MYL3: variants seen among roughly 807,000 people sequenced by gnomAD.
The protein encoded by MYL3 is myosin light chain 3.
Under a neutral mutation model 21.3 loss-of-function variants are expected in MYL3, and 11 were observed. The ratio of observed to expected loss-of-function variants is 0.52; its 90% CI spans 0.32 to 0.85. MYL3 has a LOEUF of 0.85. Ranked by LOEUF, MYL3 falls within the 40% of genes least tolerant of loss-of-function variation. The pLI is 0.03. For missense variants in MYL3, 206 were observed against 253.3 expected, an observed-to-expected ratio of 0.81 and a Z score of 1.27; for synonymous variants, 88 against 91.6, an observed-to-expected ratio of 0.96 and a Z score of 0.22.
chr3:46,858,514 G>A, intron 4 of MYL3, 53 bp from the exon 5 acceptor site: 1 of 1,574,890 alleles, frequency 6.3e-7, no homozygotes, highest in South Asian at 1.1e-5. Flanking sequence ...GCATGATGGG[G>A]TGGGGGCACC....
chr3:46,881,717 G>T (rs1327868746), intron 1 of MYL3, among the ~76,000 whole-genome samples: 1 of 152,074 alleles, frequency 6.6e-6, no homozygotes, highest in African/African-American at 2.4e-5. Context: ...GACGAGGCGA[G>T]GGTGGGGCTG....
At position 46,858,388 on chromosome 3, in the gene MYL3, A is replaced by G. The variant is rs769009588; in HGVS notation, c.555T>C (p.Tyr185=). Residue 185 remains tyrosine (Y), a synonymous_variant, in exon 5 of 7, where the codon TAT becomes TAC. Coordinates refer to ENST00000292327, the MANE Select transcript of MYL3 (RefSeq NM_000258.3). ...GQEDSNGCIN[Y]EAFVKHIMSS is the part of the protein sequence containing the mutation. The stretch of plus-strand genomic sequence containing the variant: ...CCCTGCCCCTGCTGAGCCCACCTTC[A>G]TAGTTGATGCAGCCATTGGAGTCCT... 2 of 1,614,086 alleles carry G rather than the reference A, an allele frequency of 1.2e-6. No homozygotes were observed. Among genetic ancestry groups the G allele is most frequent in the Non-Finnish European group, 1.7e-6 (2 of 1,180,004 alleles).
At chr3:46,880,389 G>A (rs1001963023) in intron 1 of MYL3, 1 of 152,266 alleles carries the variant, frequency 6.6e-6, no homozygotes, top group Non-Finnish European at 1.5e-5. Flanking sequence ...CACAGCCCTT[G>A]AACACCAGAA....
intron 1 of MYL3, among the ~76,000 whole-genome samples, chr3:46,862,578 G>A (rs935014916): frequency 2.0e-5 from 3 of 152,186 alleles, no homozygotes; most frequent in African/African-American, 7.2e-5. Flanking sequence ...CAGGGTACGT[G>A]CTGCTATGCA....
Position 46,858,412 on chromosome 3 carries a change from C to G in MYL3, c.531G>C (p.Glu177Asp), listed in dbSNP as rs1575497418. The G allele has an allele frequency of 6.2e-7, 1 of 1,613,944 alleles. No homozygotes were observed. The highest frequency in any genetic ancestry group is 1.1e-5 in the South Asian group (1 of 91,084). Residue 177 changes from glutamate to aspartate, a missense_variant, in exon 5 of 7, where the codon GAG (glutamate) becomes GAC (aspartate). Glu to Asp is a conservative substitution (Grantham distance 45). Transcript: ENST00000292327. Reference sequence around the variant, plus strand: ...CATAGTTGATGCAGCCATTGGAGTCCTCTTGCCCAGCCATCAACTTCTCCA... The same window carrying G: ...CATAGTTGATGCAGCCATTGGAGTCGTCTTGCCCAGCCATCAACTTCTCCA... ...DEVEKLMAGQEDSNGCINYEA... is the reference protein window; with the variant it reads ...DEVEKLMAGQDDSNGCINYEA...
intron 1 of MYL3, among the ~76,000 whole-genome samples, chr3:46,862,396 T>C (rs1203975150): frequency 6.6e-6 from 1 of 152,140 alleles, no homozygotes; most frequent in Non-Finnish European, 1.5e-5. Context: ...AACCCTTGCC[T>C]CAAAGGACAT....
intron 1 of MYL3, among the ~76,000 whole-genome samples, chr3:46,878,970 T>G (rs2030393058): frequency 6.6e-6 from 1 of 152,192 alleles, no homozygotes; most frequent in Non-Finnish European, 1.5e-5. Flanking sequence ...AACCAGAAAC[T>G]GACTCTGAGC....
At chr3:46,864,886 G>A (rs867788827), upstream of MYL3, among the ~76,000 whole-genome samples, 11 of 152,330 alleles carry the variant, frequency 7.2e-5, no homozygotes, top group African/African-American at 2.6e-4. This position sits in a 1 kb window ranked among gnomAD's most constrained non-coding sequence, Gnocchi z 4.7. Flanking sequence ...GGCTCTTCCC[G>A]CATGGGGACG....
rs1367870636 is a variant in MYL3, at chr3:46,861,993, CCTGAGAGCTCTCTCCA to C, written c.130-1022_130-1007del. On this transcript the variant is annotated intron_variant, in intron 1 of 6. Coordinates refer to ENST00000292327, the MANE Select transcript of MYL3 (RefSeq NM_000258.3). This position sits in a 1 kb window ranked among gnomAD's most constrained non-coding sequence, Gnocchi z 4.2. The stretch of plus-strand genomic sequence containing the variant: ...AAGAACAGGTTGTCATTCCTGGCTC[CCTGAGAGCTCTCTCCA>C]CCAGGAAGCCTACTGAGATTAGGGT... Among the ~76,000 whole-genome samples, 1 of 152,164 alleles carries C rather than the reference CCTGAGAGCTCTCTCCA, an allele frequency of 6.6e-6. No individual in the cohort carries two copies. Among genetic ancestry groups the C allele is most frequent in the Non-Finnish European group, 1.5e-5 (1 of 68,004 alleles).
chr3:46,865,324 G>A (rs1292367482), upstream of MYL3, among the ~76,000 whole-genome samples: 1 of 151,180 alleles, frequency 6.6e-6, no homozygotes, highest in Non-Finnish European at 1.5e-5. This position sits in a 1 kb window ranked among gnomAD's most constrained non-coding sequence, Gnocchi z 4.3. Flanking sequence ...CAACAGTATT[G>A]AGAAAGAAAG....
At position 46,860,995 on chromosome 3, in the gene MYL3, G is replaced by A; in HGVS notation, c.130-8C>T. On this transcript the variant is annotated splice_region_variant and splice_polypyrimidine_tract_variant and intron_variant, in intron 1 of 6. Transcript: ENST00000292327. This position sits in a 1 kb window ranked among gnomAD's most constrained non-coding sequence, Gnocchi z 4.6. ...CTCAGGTGTGAACTCAATCTGAAAAGAGACCCCAAAGACTCAGATGCCCGG... is the reference window on the plus strand; with the variant it reads ...CTCAGGTGTGAACTCAATCTGAAAAAAGACCCCAAAGACTCAGATGCCCGG... 1 of 1,613,978 alleles carries A rather than the reference G, an allele frequency of 6.2e-7. No individual in the cohort carries two copies. The highest frequency in any genetic ancestry group is 8.5e-7 in the Non-Finnish European group (1 of 1,180,004).
At chr3:46,873,787 A>G (rs1273740082) in intron 1 of MYL3, among the ~76,000 whole-genome samples, 3 of 152,166 alleles carry the variant, frequency 2.0e-5, no homozygotes, top group East Asian at 3.9e-4. Flanking sequence ...GACCTCCCCA[A>G]AAAGATCATG....
At position 46,871,531 on chromosome 3, in the gene MYL3, C is replaced by T. The variant is rs150212606; in HGVS notation, c.-217-4931G>A. ...CATTCCTTTCCCAGATCTTGGACCCCAGTGCAAGCAGAGGGAAGACAAAAG... is the reference window on the plus strand; with the variant it reads ...CATTCCTTTCCCAGATCTTGGACCCTAGTGCAAGCAGAGGGAAGACAAAAG... On this transcript the variant is annotated intron_variant, in intron 1 of 3. Coordinates refer to the MYL3 transcript ENST00000431168. Among the ~76,000 whole-genome samples the T allele has an allele frequency of 1.1e-4, 16 of 152,110 alleles. No individual in the cohort carries two copies. The East Asian group carries it at 2.9e-3, about 28-fold the overall frequency.
intron 1 of MYL3, among the ~76,000 whole-genome samples, chr3:46,870,760 G>A (rs772706165): frequency 6.6e-6 from 1 of 152,100 alleles, no homozygotes; most frequent in African/African-American, 2.4e-5. Context: ...ATACCTATGG[G>A]CCCCTAGACA....
intron 1 of MYL3, among the ~76,000 whole-genome samples, chr3:46,878,990 G>C (rs936831086): frequency 6.6e-6 from 1 of 152,218 alleles, no homozygotes; most frequent in South Asian, 2.1e-4. Flanking sequence ...CCCCTGGGGC[G>C]TGCTTGTCAA....
upstream of MYL3, among the ~76,000 whole-genome samples, chr3:46,864,616 G>A (rs1394027562): frequency 6.6e-6 from 1 of 152,144 alleles, no homozygotes; most frequent in Non-Finnish European, 1.5e-5. The surrounding 1 kb of genome is among the most constrained non-coding windows in gnomAD (Gnocchi z 4.7). Context: ...ACTGCCACAT[G>A]TTGCCCTCTG....
rs1701958758 is a variant in MYL3 at position 46,858,626 on chromosome 3, T to G, written c.482-165A>C. On this transcript the variant is annotated intron_variant, in intron 4 of 6. Transcript: ENST00000292327. The stretch of plus-strand genomic sequence containing the variant: ...CACCCCATTTCTGAGGCCAGGAGAA[T>G]CAGTGACAAGTTAAGAAGGGGCCTG... Among the ~76,000 whole-genome samples the G allele has an allele frequency of 4.6e-5, 7 of 152,256 alleles. No homozygotes were observed. In the South Asian group the frequency reaches 1.5e-3, roughly 32 times the overall value.
At chr3:46,868,425 C>T (rs1702070260), upstream of MYL3, among the ~76,000 whole-genome samples, 1 of 152,230 alleles carries the variant, frequency 6.6e-6, no homozygotes, top group Admixed American at 6.5e-5. Context: ...CCTCCCTCTG[C>T]CCACTGTGCT....
At position 46,879,592 on chromosome 3, in the gene MYL3, T is replaced by C. The variant is rs1013646340; in HGVS notation, c.-218+2482A>G. 2.0e-5 allele frequency among the ~76,000 whole-genome samples: 3 copies of C among 151,992 alleles called. No individual in the cohort carries two copies. The highest frequency in any genetic ancestry group is 7.3e-5 in the African/African-American group (3 of 41,366). On this transcript the variant is annotated intron_variant, in intron 1 of 3. Transcript: ENST00000431168. This position sits in a 1 kb window ranked among gnomAD's most constrained non-coding sequence, Gnocchi z 4.7. ...ACCTCGTCTCTACAAAAAAAAAATT[T>C]TTTAATTACCCAGGTGTGGTAGCTC...
Sources: allele counts gnomAD v4.1 joint callset (sites outside exome capture counted in the v4.1 genomes callset), GRCh38; gene constraint gnomAD v4.1.1; non-coding constraint Gnocchi (gnomAD v3.1); transcripts MANE v1.5; gene names NCBI Gene and HGNC (gene_info 2026-07-23, HGNC 2026-07-21).